Variants in SCLT1 observed in about 807,000 individuals in gnomAD.
SCLT1 encodes the protein sodium channel-associated protein 1.
SCLT1 carries 78 observed loss-of-function variants against 112.8 expected under a neutral mutation model. That is an observed-to-expected ratio of 0.69 (90% CI 0.58 to 0.83). The LOEUF (loss-of-function observed/expected upper bound fraction) is 0.83, where lower values mean the gene tolerates loss of function less well. Ranked by LOEUF, SCLT1 falls within the 40% of genes least tolerant of loss-of-function variation. SCLT1 has a pLI of 0.00. For synonymous variants in SCLT1, 257 were observed against 254.7 expected (o/e 1.01, Z -0.09); for missense variants, 747 against 770.4 (o/e 0.97, Z 0.36).
chr4:129,079,599 C>T (rs1751759970), intron 2 of SCLT1, among the ~76,000 whole-genome samples: 1 of 152,184 alleles, frequency 6.6e-6, no homozygotes, highest in Admixed American at 6.5e-5. Context: ...ACATTCCCTG[C>T]AGCTGCTTTC....
chr4:128,999,857 G>A, intron 6 of SCLT1, 63 bp from the exon 7 acceptor site: 1 of 1,108,564 alleles, frequency 9.0e-7, no homozygotes, highest in Non-Finnish European at 1.3e-6. Flanking sequence ...TAGTACAAAT[G>A]GATCATTTTC....
At chr4:128,894,946 G>C (rs2125927305) in intron 18 of SCLT1, among the ~76,000 whole-genome samples, 1 of 152,204 alleles carries the variant, frequency 6.6e-6, no homozygotes, top group African/African-American at 2.4e-5. Context: ...CTAAAGTGCT[G>C]GGATTACAGG....
intron 16 of SCLT1, among the ~76,000 whole-genome samples, chr4:128,945,159 G>T (rs186726930): frequency 6.6e-6 from 1 of 152,142 alleles, no homozygotes; most frequent in Admixed American, 6.6e-5. Flanking sequence ...TACTCATAAT[G>T]CAGAGACACC....
At chr4:128,998,821 TA>T (rs1162280599) in intron 7 of SCLT1, among the ~76,000 whole-genome samples, 2 of 151,938 alleles carry the variant, frequency 1.3e-5, no homozygotes, top group African/African-American at 4.8e-5. Context: ...TAGATATTTC[TA>T]ATTATAATTA....
rs188586769 is a variant in SCLT1 at position 128,905,619 on chromosome 4, T to A, written c.1830-14482A>T. Among the ~76,000 whole-genome samples the A allele has an allele frequency of 1.5e-3, 228 of 152,278 alleles. 1 individual carries two copies. Among genetic ancestry groups the A allele is most frequent in the Non-Finnish European group, 2.6e-3 (179 of 68,020 alleles). ...ATAGCCCACTCAATCTGATCCCTGC[T>A]GAGGTAGCTTTTCAATATTACAGCA... On this transcript the variant is annotated intron_variant, in intron 18 of 20. Coordinates refer to ENST00000281142, the MANE Select transcript of SCLT1 (RefSeq NM_144643.4).
At chr4:129,038,966 T>C (rs1747432024) in intron 5 of SCLT1, 75 bp downstream of exon 5, 3 of 903,832 alleles carry the variant, frequency 3.3e-6, no homozygotes, top group Non-Finnish European at 3.6e-6. Flanking sequence ...ACTATAGCTA[T>C]CAAATATCAA....
At chr4:128,892,955 C>T (rs2125925489) in intron 18 of SCLT1, among the ~76,000 whole-genome samples, 1 of 152,014 alleles carries the variant, frequency 6.6e-6, no homozygotes, top group South Asian at 2.1e-4. Context: ...CCAACCATCC[C>T]CCCGACAACA....
chr4:128,876,411 C>T lies in SCLT1; in HGVS notation n.355+96G>A, dbSNP rs570084478. 3 of 152,206 alleles carry T rather than the reference C, an allele frequency of 2.0e-5. No homozygotes were observed. In the East Asian group the frequency reaches 5.8e-4, roughly 29 times the overall value. The allele number at this position is 152,206 out of a possible 1,614,324, so 9.4% of individuals were successfully genotyped here. On this transcript the variant is annotated intron_variant and non_coding_transcript_variant, in intron 4 of 7. Transcript: ENST00000503565. The stretch of plus-strand genomic sequence containing the variant: ...AAGTCCCCAGGAGCCAAAGGAAGGG[C>T]CTATCATTGGCAGCTGTGCAATCTG...
intron 4 of SCLT1, 160 bp from the exon 5 acceptor site, chr4:129,039,256 C>A: frequency 1.8e-6 from 1 of 542,434 alleles, no homozygotes; most frequent in Non-Finnish European, 3.3e-6. Context: ...GGATAATTTA[C>A]TAATAAACAG....
At chr4:128,980,186 T>G (rs1177601129) in intron 9 of SCLT1, among the ~76,000 whole-genome samples, 1 of 152,192 alleles carries the variant, frequency 6.6e-6, no homozygotes, top group Non-Finnish European at 1.5e-5. Flanking sequence ...AGACACACTA[T>G]GAATCAAAAC....
In SCLT1 at chr4:128,938,842, C is replaced by T. The variant is rs181306960; in HGVS notation, c.1633-1991G>A. 3.4e-4 allele frequency among the ~76,000 whole-genome samples: 52 copies of T among 152,030 alleles called. No homozygotes were observed. The East Asian group carries it at 3.9e-3, about 11-fold the overall frequency. ...ACTAAAAACACAAAAATTAGCCAGGCGAGGTGGTGGGTGCCTGTAATCCCA... is the reference window on the plus strand; with the variant it reads ...ACTAAAAACACAAAAATTAGCCAGGTGAGGTGGTGGGTGCCTGTAATCCCA... On this transcript the variant is annotated intron_variant, in intron 17 of 20. Coordinates refer to ENST00000281142, the MANE Select transcript of SCLT1 (RefSeq NM_144643.4).
At chr4:128,942,608 A>G (rs1579448010) in intron 17 of SCLT1, among the ~76,000 whole-genome samples, 1 of 152,134 alleles carries the variant, frequency 6.6e-6, no homozygotes, top group East Asian at 1.9e-4. Context: ...CTCAGAGCCT[A>G]CTGCTTTAAC....
chr4:128,880,028 G>A (rs1346661123), downstream of SCLT1, among the ~76,000 whole-genome samples: 1 of 152,130 alleles, frequency 6.6e-6, no homozygotes, highest in Non-Finnish European at 1.5e-5. Context: ...GTGATTACTA[G>A]GATGCCACAT....
chr4:128,892,256 G>A (rs1206025594), intron 18 of SCLT1, among the ~76,000 whole-genome samples: 1 of 152,166 alleles, frequency 6.6e-6, no homozygotes, highest in Non-Finnish European at 1.5e-5. Flanking sequence ...AAAGTAATCT[G>A]AACAAATATC....
chr4:128,922,891 T>A (rs530355883), intron 18 of SCLT1, among the ~76,000 whole-genome samples: 32 of 152,218 alleles, frequency 2.1e-4, no homozygotes, highest in African/African-American at 7.7e-4. Flanking sequence ...CAGAAGAGAC[T>A]GTGTGACTGC....
chr4:128,898,302 G>A (rs1315898631), intron 18 of SCLT1, among the ~76,000 whole-genome samples: 16 of 150,560 alleles, frequency 1.1e-4, no homozygotes, highest in South Asian at 2.1e-4. Flanking sequence ...ATGTAAAAGA[G>A]CAGAAATTAT....
At chr4:129,009,533 A>G (rs1744337043) in intron 5 of SCLT1, among the ~76,000 whole-genome samples, 1 of 151,836 alleles carries the variant, frequency 6.6e-6, no homozygotes, top group Non-Finnish European at 1.5e-5. Context: ...AAAAAAAAAA[A>G]AAGAATCCAA....
In SCLT1 at chr4:129,022,351, G is replaced by A. The variant is rs997945434; in HGVS notation, c.290+16690C>T. Among the ~76,000 whole-genome samples, 22 of 152,280 alleles carry A rather than the reference G, an allele frequency of 1.4e-4. No homozygotes were observed. The East Asian group carries it at 2.1e-3, about 15-fold the overall frequency. On this transcript the variant is annotated intron_variant, in intron 5 of 20. Transcript: ENST00000281142. ...GTGGGTAATAAAAAAACTCCTCTGC[G>A]TTAAAGGAGCATGTTCTAACCCAAT... is the stretch of plus-strand genomic sequence containing the variant.
intron 9 of SCLT1, among the ~76,000 whole-genome samples, chr4:128,973,946 A>T (rs1425222684): frequency 6.6e-6 from 1 of 152,192 alleles, no homozygotes; most frequent in East Asian, 1.9e-4. Context: ...AATCTAAAAT[A>T]AAAGGCAGAA....
Sources: gnomAD v4.1 joint callset for allele counts (sites outside exome capture counted in the v4.1 genomes callset) on GRCh38, gnomAD v4.1.1 for gene constraint, MANE v1.5 for transcripts, NCBI Gene and HGNC (gene_info 2026-07-23, HGNC 2026-07-21) for gene names.